Variants in APIP observed in about 807,000 individuals in gnomAD.
The protein encoded by APIP is APAF1 interacting protein, also known as methylthioribulose-1-phosphate dehydratase.
Under a neutral mutation model 32.0 loss-of-function variants are expected in APIP, and 32 were observed. The ratio of observed to expected loss-of-function variants is 1.00; its 90% CI spans 0.76 to 1.34. The LOEUF (loss-of-function observed/expected upper bound fraction) is 1.34, where lower values mean the gene tolerates loss of function less well. Among genes scored for constraint, APIP ranks in the 40% most tolerant of loss-of-function variants. APIP has a pLI of 0.00. For synonymous variants in APIP, 92 were observed against 94.8 expected, an observed-to-expected ratio of 0.97 and a Z score of 0.17; for missense variants, 247 against 298.6, an observed-to-expected ratio of 0.83 and a Z score of 1.27.
chr11:34,902,660 A>C (rs1853386691), intron 1 of APIP, among the ~76,000 whole-genome samples: 1 of 152,138 alleles, frequency 6.6e-6, no homozygotes, highest in African/African-American at 2.4e-5. Context: ...AACCTCATAA[A>C]AGAAACTCAG....
At position 34,883,334 on chromosome 11, in the gene APIP, C is replaced by T; in HGVS notation, c.629+3G>A. ...TTCCCCATGTTCTCTGATTTACACT[C>T]ACATGGTTTTGGCCTTCTCCCATGT... On this transcript the variant is annotated splice_donor_region_variant and intron_variant, in intron 6 of 6. Transcript: ENST00000395787. 6.2e-7 allele frequency: 1 copy of T among 1,604,548 alleles called. No homozygotes were observed. Among genetic ancestry groups the T allele is most frequent in the Non-Finnish European group, 8.5e-7 (1 of 1,175,978 alleles).
At chr11:34,895,220 A>G (rs557080184) in intron 1 of APIP, 110 bp from the exon 2 acceptor site, 7 of 914,240 alleles carry the variant, frequency 7.7e-6, no homozygotes, top group African/African-American at 1.7e-5. Context: ...AAAACATACT[A>G]TAGAAAGAGT....
intron 1 of APIP, among the ~76,000 whole-genome samples, chr11:34,898,953 C>T (rs1040864037): frequency 1.3e-5 from 2 of 152,002 alleles, no homozygotes; most frequent in Admixed American, 6.5e-5. Context: ...CGCCCGCCAC[C>T]GCGCCCAGCT....
intron 5 of APIP, 65 bp downstream of exon 5, chr11:34,888,228 T>C: frequency 7.2e-7 from 1 of 1,390,152 alleles, no homozygotes; most frequent in East Asian, 2.4e-5. Flanking sequence ...ATGATCAGTA[T>C]TCTATTTATC....
At chr11:34,898,482 A>C (rs1590708576) in intron 1 of APIP, among the ~76,000 whole-genome samples, 1 of 152,062 alleles carries the variant, frequency 6.6e-6, no homozygotes, top group African/African-American at 2.4e-5. Context: ...TCTGGGTCGG[A>C]CCCAGCCTCC....
rs571316525 is a variant in APIP at position 34,911,195 on chromosome 11, G to C, written c.57+5033C>G. 7.9e-5 allele frequency among the ~76,000 whole-genome samples: 12 copies of C among 152,184 alleles called. No homozygotes were observed. The South Asian group carries it at 1.5e-3, about 18-fold the overall frequency. ...ATATGACCATGGGAATGGGATGTTAGAGTGAGGGGGCGGTAAAGATGAACA... is the reference window on the plus strand; with the variant it reads ...ATATGACCATGGGAATGGGATGTTACAGTGAGGGGGCGGTAAAGATGAACA... On this transcript the variant is annotated intron_variant, in intron 1 of 6. Coordinates refer to ENST00000395787, the MANE Select transcript of APIP (RefSeq NM_015957.4).
chr11:34,888,339 CTT>C lies in APIP; in HGVS notation c.413_414del (p.Gln138ArgfsTer16), dbSNP rs756119706. On this transcript the variant is annotated frameshift_variant, in exon 5 of 7. Coordinates refer to ENST00000395787, the MANE Select transcript of APIP (RefSeq NM_015957.4). LOFTEE classifies it high-confidence loss of function. ...CATTTCTTTATTCCTTTTATCATCT[CTT>C]GATGTGTAATTTTAAACTCCCGTCC... ...FPGREFKITH[Q>X]EMIKGIKKCT... 11 of 1,610,396 alleles carry C rather than the reference CTT, an allele frequency of 6.8e-6. No homozygotes were observed. Among genetic ancestry groups the C allele is most frequent in the Non-Finnish European group, 9.3e-6 (11 of 1,178,420 alleles).
intron 6 of APIP, 109 bp downstream of exon 6, chr11:34,883,228 T>A: frequency 8.4e-7 from 1 of 1,185,990 alleles, no homozygotes; most frequent in Non-Finnish European, 1.2e-6. Context: ...AAATAAAGTA[T>A]CTACAAATAA....
At chr11:34,888,622 GT>G in intron 4 of APIP, 129 bp downstream of exon 4, 1 of 1,090,508 alleles carries the variant, frequency 9.2e-7, no homozygotes, top group South Asian at 1.6e-5. Flanking sequence ...TGAGAACTGA[GT>G]AAGTTCATGC....
chr11:34,893,246 A>G (rs1428178807), intron 2 of APIP, among the ~76,000 whole-genome samples: 3 of 152,154 alleles, frequency 2.0e-5, no homozygotes, highest in Non-Finnish European at 4.4e-5. Flanking sequence ...AAAATATTTC[A>G]TCTTGAGTCC....
Position 34,885,896 on chromosome 11 carries a change from A to T in APIP, c.462-2392T>A, listed in dbSNP as rs116041419. On this transcript the variant is annotated intron_variant, in intron 5 of 6. Transcript: ENST00000395787. ...AGCTGTCATAGGGTCACAGCACAAC[A>T]TATTATGCAAATGTCTGTGGTGATG... Among the ~76,000 whole-genome samples, 1,133 of 152,206 alleles carry T rather than the reference A, an allele frequency of 7.4e-3. 17 individuals are homozygous for T. Among genetic ancestry groups the T allele is most frequent in the African/African-American group, 0.026 (1,087 of 41,534 alleles).
rs1188361998 is a variant in APIP, at chr11:34,888,819, A to C, written c.258T>G (p.Pro86=). The C allele has an allele frequency of 6.6e-7, 1 of 1,522,316 alleles. No individual in the cohort carries two copies. Among genetic ancestry groups the C allele is most frequent in the Non-Finnish European group, 8.7e-7 (1 of 1,148,784 alleles). The allele number at this position is 1,522,316 out of a possible 1,614,324, so 94.3% of individuals were successfully genotyped here. The change falls in exon 4 of 7, where the codon CCT becomes CCG. Residue 86 remains proline (P), a synonymous_variant. Coordinates refer to ENST00000395787, the MANE Select transcript of APIP (RefSeq NM_015957.4). Reference sequence around the variant, plus strand: ...TTTTTTTTAGCTTCTTCGATGGCGAAGGTCCACTTATGTCCTTTTCATTTA... The same window carrying C: ...TTTTTTTTAGCTTCTTCGATGGCGACGGTCCACTTATGTCCTTTTCATTTA... ...CDINEKDISG[P]SPSKKLKKSQ...
At position 34,896,837 on chromosome 11, in the gene APIP, T is replaced by A. The variant is rs758202621; in HGVS notation, c.58-1727A>T. On this transcript the variant is annotated intron_variant, in intron 1 of 6. Transcript: ENST00000395787. ...ACTCTGGTGACCTTGAACTTCAATTTTGATAGCCATGTAAGCCACTAGAAG... is the reference window on the plus strand; with the variant it reads ...ACTCTGGTGACCTTGAACTTCAATTATGATAGCCATGTAAGCCACTAGAAG... The A allele has an allele frequency of 9.6e-5, 123 of 1,283,452 alleles. No individual in the cohort carries two copies. The African/African-American group carries it at 1.4e-3, about 15-fold the overall frequency. 79.5% of individuals were successfully genotyped at this position (1,283,452 alleles called of 1,614,324 possible). A position where few individuals can be genotyped will look rare whatever the true frequency, so the allele number is the denominator to read the frequency against.
intron 3 of APIP, among the ~76,000 whole-genome samples, chr11:34,889,817 G>T (rs1445419862): frequency 1.3e-5 from 2 of 152,042 alleles, no homozygotes; most frequent in East Asian, 1.9e-4. Flanking sequence ...ACATGATCTT[G>T]TTCTTTATTA....
intron 5 of APIP, 74 bp downstream of exon 5, chr11:34,888,219 T>C (rs1388160733): frequency 3.0e-6 from 4 of 1,318,716 alleles, no homozygotes; most frequent in Non-Finnish European, 4.1e-6. Flanking sequence ...ATGCATAAAA[T>C]GATCAGTATT....
Position 34,882,767 on chromosome 11 carries a change from C to G in APIP, c.679G>C (p.Val227Leu). 1 of 1,610,836 alleles carries G rather than the reference C, an allele frequency of 6.2e-7. No homozygotes were observed. Among genetic ancestry groups the G allele is most frequent in the South Asian group, 1.1e-5 (1 of 90,678 alleles). Residue 227 changes from valine (V) to leucine (L), a missense_variant, in exon 7 of 7, where the codon GTA becomes CTA. Transcript: ENST00000395787. ...GGGAGCTGTGAAGGATCAAGTCCTACTTTCTTCATTGATACGGCAATATCA... is the reference window on the plus strand; with the variant it reads ...GGGAGCTGTGAAGGATCAAGTCCTAGTTTCTTCATTGATACGGCAATATCA... ...LFDIAVSMKK[V>L]GLDPSQLPVG...
At chr11:34,898,785 GGTTTTTTT>G (rs1565136774) in intron 1 of APIP, among the ~76,000 whole-genome samples, 1 of 92,114 alleles carries the variant, frequency 1.1e-5, no homozygotes, top group African/African-American at 4.4e-5. Flanking sequence ...TTCTTTCTTT[GGTTTTTTT>G]TTTTTTTTTT....
intron 1 of APIP, among the ~76,000 whole-genome samples, chr11:34,906,804 T>G (rs1243233257): frequency 6.6e-6 from 1 of 152,180 alleles, no homozygotes; most frequent in African/African-American, 2.4e-5. Context: ...TGGCTACAAT[T>G]CCTCTTTAAT....
chr11:34,890,198 C>A (rs767777149), intron 3 of APIP, among the ~76,000 whole-genome samples: 10 of 152,038 alleles, frequency 6.6e-5, no homozygotes, highest in Non-Finnish European at 1.5e-4. Flanking sequence ...TCTGATTATT[C>A]CACCAGCCTG....
Sources: gnomAD v4.1 joint callset for allele counts (sites outside exome capture counted in the v4.1 genomes callset) on GRCh38, gnomAD v4.1.1 for gene constraint, MANE v1.5 for transcripts, NCBI Gene and HGNC (gene_info 2026-07-23, HGNC 2026-07-21) for gene names.